Variants in RYR3 observed in about 807,000 individuals in gnomAD.
RYR3 encodes brain ryanodine receptor-calcium release channel.
In RYR3, 207 loss-of-function variants were observed where a neutral mutation model predicts 584.3. That is an observed-to-expected ratio of 0.35 (90% CI 0.32 to 0.40). The LOEUF (loss-of-function observed/expected upper bound fraction) is 0.40, where lower values mean the gene tolerates loss of function less well. RYR3 is among the 10% of genes least tolerant of loss of function. The probability of loss-of-function intolerance (pLI) is 1.00; values close to 1 mark genes in which losing one functional copy is unlikely to be tolerated. For missense variants in RYR3, 5,616 were observed against 6,089.2 expected (o/e 0.92, Z 2.59); for synonymous variants, 2,416 against 2,248.5 (o/e 1.07, Z -2.11).
At chr15:33,500,276 C>A (rs574204926) in intron 2 of RYR3, among the ~76,000 whole-genome samples, 43 of 152,298 alleles carry the variant, frequency 2.8e-4, no homozygotes, top group African/African-American at 9.9e-4. Flanking sequence ...TACCTCATTT[C>A]CCTGAGGGCT....
chr15:33,510,147 G>A (rs1187333706), intron 3 of RYR3, among the ~76,000 whole-genome samples: 3 of 152,226 alleles, frequency 2.0e-5, no homozygotes, highest in Admixed American at 6.5e-5. Flanking sequence ...TCATTTTACA[G>A]ATGTACTCCT....
intron 67 of RYR3, among the ~76,000 whole-genome samples, chr15:33,799,541 G>A (rs909522209): frequency 6.6e-6 from 1 of 152,210 alleles, no homozygotes; most frequent in East Asian, 1.9e-4. Context: ...GAAACTCCCT[G>A]CCTCTTCCCC....
At chr15:33,813,078 A>G in intron 73 of RYR3, 84 bp downstream of exon 73, 8 of 1,542,136 alleles carry the variant, frequency 5.2e-6, no homozygotes, top group Non-Finnish European at 7.1e-6. Context: ...GCATTCAGGT[A>G]CAAGTGCCCT....
intron 65 of RYR3, among the ~76,000 whole-genome samples, 181 bp from the exon 66 acceptor site, chr15:33,785,481 C>T (rs2074649427): frequency 6.6e-6 from 1 of 152,180 alleles, no homozygotes; most frequent in Non-Finnish European, 1.5e-5. Flanking sequence ...AATGCAGCCT[C>T]TGGAAGCTGC....
chr15:33,464,781 TATAAG>T (rs1342037570), intron 1 of RYR3, among the ~76,000 whole-genome samples: 3 of 151,978 alleles, frequency 2.0e-5, no homozygotes, highest in African/African-American at 7.3e-5. Flanking sequence ...AAATCTCAAT[TATAAG>T]ATAGAGTATT....
intron 2 of RYR3, among the ~76,000 whole-genome samples, chr15:33,496,197 C>T (rs2142591567): frequency 6.6e-6 from 1 of 152,314 alleles, no homozygotes; most frequent in South Asian, 2.1e-4. Flanking sequence ...AGATGGCAGT[C>T]AGCCCTGTTT....
chr15:33,336,445 AGAGAGAGAG>A (rs1971012210), intron 1 of RYR3, among the ~76,000 whole-genome samples: 1 of 9,692 alleles, frequency 1.0e-4, no homozygotes, highest in African/African-American at 8.5e-4. Flanking sequence ...AAAGAAAGAG[AGAGAGAGAG>A]AGAGAGAGAG....
intron 84 of RYR3, 50 bp downstream of exon 84, chr15:33,826,802 C>T (rs764598310): frequency 2.2e-6 from 3 of 1,365,224 alleles, no homozygotes; most frequent in Non-Finnish European, 1.0e-6. Flanking sequence ...TCGGGCAAAA[C>T]TAGAATTCCG....
intron 1 of RYR3, among the ~76,000 whole-genome samples, chr15:33,457,627 T>C (rs1246110621): frequency 2.0e-5 from 3 of 152,124 alleles, no homozygotes; most frequent in Non-Finnish European, 4.4e-5. Flanking sequence ...TAAAAAGTTA[T>C]AGTTAGGAGG....
chr15:33,742,401 C>G lies in RYR3; in HGVS notation c.7856C>G (p.Thr2619Ser), dbSNP rs772138404. The G allele has an allele frequency of 3.7e-6, 6 of 1,613,154 alleles. No homozygotes were observed. In the African/African-American group the frequency reaches 8.0e-5, roughly 22 times the overall value. ...SLPEKLEYIV[T>S]KYAEHSHDKW... ...CCTGAAAAATTGGAATACATCGTCACCAAGTATGCTGAGCATTCACATGAT... is the reference window on the plus strand; with the variant it reads ...CCTGAAAAATTGGAATACATCGTCAGCAAGTATGCTGAGCATTCACATGAT... The change falls in exon 52 of 104, where the codon ACC (threonine) becomes AGC (serine). Residue 2619 changes from threonine to serine, a missense_variant. By Grantham distance (58) the Thr-to-Ser change is moderately conservative (BLOSUM62 1). Coordinates refer to ENST00000634891, the MANE Select transcript of RYR3 (RefSeq NM_001036.6).
intron 7 of RYR3, among the ~76,000 whole-genome samples, chr15:33,543,212 C>G (rs1200829569): frequency 1.3e-5 from 2 of 151,866 alleles, no homozygotes; most frequent in Non-Finnish European, 2.9e-5. Context: ...TGACTGCAAT[C>G]TGATTTGGAT....
chr15:33,495,002 C>T (rs948696015), intron 2 of RYR3, among the ~76,000 whole-genome samples: 1 of 152,042 alleles, frequency 6.6e-6, no homozygotes, highest in Non-Finnish European at 1.5e-5. Flanking sequence ...AGTTAAATTG[C>T]GTTTTGGAAG....
intron 1 of RYR3, among the ~76,000 whole-genome samples, chr15:33,400,281 C>G (rs2042564528): frequency 6.6e-6 from 1 of 152,168 alleles, no homozygotes; most frequent in African/African-American, 2.4e-5. Flanking sequence ...GATAGCACAC[C>G]TTTTCACTGT....
intron 71 of RYR3, 24 bp downstream of exon 71, chr15:33,810,673 T>C: frequency 6.2e-7 from 1 of 1,613,680 alleles, no homozygotes; most frequent in Non-Finnish European, 8.5e-7. Flanking sequence ...CTGCCTGGGC[T>C]GAGTGTGTGA....
At chr15:33,780,716 A>G (rs73381202) in intron 65 of RYR3, among the ~76,000 whole-genome samples, 1,829 of 152,342 alleles carry the variant, frequency 0.012, 26 homozygotes, top group Middle Eastern at 0.044. Flanking sequence ...GCACATCCAC[A>G]GTAATAACCC....
At chr15:33,401,866 C>G (rs1343433078) in intron 1 of RYR3, among the ~76,000 whole-genome samples, 1 of 152,100 alleles carries the variant, frequency 6.6e-6, no homozygotes, top group Admixed American at 6.5e-5. Context: ...CAGTGATTAT[C>G]TCTGGGTGGG....
intron 60 of RYR3, among the ~76,000 whole-genome samples, chr15:33,762,486 A>G (rs78448311): frequency 1.3e-5 from 2 of 152,364 alleles, no homozygotes; most frequent in Admixed American, 6.5e-5. Context: ...GAGCCAAATC[A>G]TGAGTGAACT....
intron 64 of RYR3, among the ~76,000 whole-genome samples, chr15:33,778,198 G>T (rs993700355): frequency 4.1e-5 from 4 of 98,090 alleles, no homozygotes; most frequent in African/African-American, 9.3e-5. Context: ...AATAAATAAA[G>T]CTATCAGATT....
At chr15:33,316,791 CCTTT>C (rs1968233710) in intron 1 of RYR3, among the ~76,000 whole-genome samples, 1 of 152,202 alleles carries the variant, frequency 6.6e-6, no homozygotes, top group South Asian at 2.1e-4. Context: ...AGGAAGTCGA[CCTTT>C]CTTATCATCA....
Sources: allele counts gnomAD v4.1 joint callset (sites outside exome capture counted in the v4.1 genomes callset), GRCh38; gene constraint gnomAD v4.1.1; transcripts MANE v1.5; gene names NCBI Gene and HGNC (gene_info 2026-07-23, HGNC 2026-07-21).